The following NBPF9 variants were observed in gnomAD, a reference collection of about 807,000 sequenced individuals.
The protein encoded by NBPF9 is NBPF member 9.
NBPF9 carries 91 observed loss-of-function variants against 97.8 expected under a neutral mutation model. The ratio of observed to expected loss-of-function variants is 0.93; its 90% CI spans 0.79 to 1.11. The LOEUF (loss-of-function observed/expected upper bound fraction) is 1.11. Ranked by LOEUF, NBPF9 falls within the 50% of genes least tolerant of loss-of-function variation. The pLI is 0.00. For synonymous variants in NBPF9, 334 were observed against 359.5 expected (o/e 0.93, Z 0.80); for missense variants, 992 against 939.5 (o/e 1.06, Z -0.73).
downstream of NBPF9, among the ~76,000 whole-genome samples, chr1:149,052,214 AAC>A (rs2077952023): frequency 6.6e-6 from 1 of 151,780 alleles, no homozygotes; most frequent in Non-Finnish European, 1.5e-5. Context: ...ATTATCAATA[AAC>A]ACAAACCATT....
At chr1:149,090,547 T>G (rs1455344001) in intron 5 of NBPF9, 1 of 500,546 alleles carries the variant, frequency 2.0e-6, no homozygotes, top group African/African-American at 1.9e-5. Context: ...AATTTAAGCC[T>G]AATGCAATAA....
chr1:149,058,874 C>A, intron 26 of NBPF9, 51 bp downstream of exon 26: 3 of 673,852 alleles, frequency 4.5e-6, no homozygotes, highest in Admixed American at 2.1e-5. Context: ...AATATCACCC[C>A]TATCTGGAAG....
At chr1:149,097,957 C>T (rs1219487615) in intron 4 of NBPF9, among the ~76,000 whole-genome samples, 2 of 152,018 alleles carry the variant, frequency 1.3e-5, no homozygotes, top group African/African-American at 4.8e-5. Context: ...ATCCTGGACA[C>T]ATCTAGAGGG....
At chr1:149,069,752 A>G in intron 16 of NBPF9, 107 bp from the exon 17 acceptor site, 1 of 780,584 alleles carries the variant, frequency 1.3e-6, no homozygotes, top group Non-Finnish European at 2.3e-6. Context: ...TCAGTGCAAG[A>G]ATAAGGATTC....
At chr1:149,072,822 A>T in exon 14 of NBPF9, 1 of 1,597,494 alleles carries the variant, frequency 6.3e-7, no homozygotes, top group Non-Finnish European at 8.6e-7. Context: ...CGGAGTGAGG[A>T]GGGCCTGGAG....
chr1:149,088,550 A>C (rs2081194105), intron 5 of NBPF9, among the ~76,000 whole-genome samples: 1 of 152,158 alleles, frequency 6.6e-6, no homozygotes, highest in Non-Finnish European at 1.5e-5. Flanking sequence ...ATCTGCCATT[A>C]ATGGGGTTGG....
intron 5 of NBPF9, among the ~76,000 whole-genome samples, chr1:149,083,044 C>T (rs587593705): frequency 2.3e-4 from 33 of 144,850 alleles, no homozygotes; most frequent in Non-Finnish European, 4.0e-4. Flanking sequence ...CTCCTGACCT[C>T]GTGATCTGCC....
chr1:149,069,131 A>G (rs1467402710), intron 17 of NBPF9, among the ~76,000 whole-genome samples: 1 of 151,996 alleles, frequency 6.6e-6, no homozygotes, highest in East Asian at 1.9e-4. Context: ...CAATGTGTAG[A>G]GGGAAAATTA....
chr1:149,079,254 A>G (rs782791179), intron 8 of NBPF9, 33 bp from the exon 9 acceptor site: 53 of 992,002 alleles, frequency 5.3e-5, no homozygotes, highest in South Asian at 4.3e-4. Context: ...ATTTAAGAGT[A>G]GAAAGGGTTG....
exon 9 of NBPF9, chr1:149,079,060 T>G: frequency 6.7e-6 from 10 of 1,503,394 alleles, no homozygotes; most frequent in Non-Finnish European, 9.2e-6. Flanking sequence ...CTCAGCCAGC[T>G]GTTCTTGGAG....
At chr1:149,081,590 AG>A (rs1345650210) in intron 7 of NBPF9, among the ~76,000 whole-genome samples, 3 of 152,032 alleles carry the variant, frequency 2.0e-5, no homozygotes, top group Admixed American at 6.6e-5. Flanking sequence ...ACTGAATAAA[AG>A]TTCACTAGTC....
At position 149,061,523 on chromosome 1, in the gene NBPF9, C is replaced by T. The variant is rs1346711930; in HGVS notation, c.2252-140G>A. ...AATGTGACAGATATACTTCAGGAAGCCTGAAAGCTGGTCATGATATTCTTT... is the reference window on the plus strand; with the variant it reads ...AATGTGACAGATATACTTCAGGAAGTCTGAAAGCTGGTCATGATATTCTTT... On this transcript the variant is annotated intron_variant, in intron 22 of 29. Coordinates refer to ENST00000584027, the Ensembl canonical transcript of NBPF9. 6 of 463,312 alleles carry T rather than the reference C, an allele frequency of 1.3e-5. 2 individuals carry two copies. The highest frequency in any genetic ancestry group is 7.4e-4 in the Middle Eastern group (1 of 1,358). The allele number at this position is 463,312 out of a possible 1,614,324, so 28.7% of individuals were successfully genotyped here.
intron 5 of NBPF9, among the ~76,000 whole-genome samples, chr1:149,084,333 AAT>A (rs1339608472): frequency 4.3e-4 from 64 of 147,774 alleles, no homozygotes; most frequent in Admixed American, 3.7e-3. Context: ...CACACACATG[AAT>A]ATATATAATA....
intron 10 of NBPF9, among the ~76,000 whole-genome samples, 159 bp downstream of exon 10, chr1:149,077,724 G>A (rs1296532279): frequency 1.3e-5 from 2 of 151,970 alleles, no homozygotes; most frequent in Admixed American, 6.6e-5. Context: ...AGAGAAACAC[G>A]ACAGCTGCCG....
downstream of NBPF9, among the ~76,000 whole-genome samples, chr1:149,053,746 G>A: frequency 7.3e-6 from 1 of 137,394 alleles, no homozygotes; most frequent in African/African-American, 2.8e-5. Flanking sequence ...GGAAATATTT[G>A]ATGCTGAAAG....
chr1:149,055,820 T>C (rs1553648699), exon 30 of NBPF9: 3 of 1,606,718 alleles, frequency 1.9e-6, no homozygotes, highest in South Asian at 2.2e-5. Flanking sequence ...TCAAAGTACA[T>C]TGACGGAGTA....
exon 30 of NBPF9, chr1:149,055,253 G>C (rs1242781830): frequency 6.4e-6 from 2 of 311,050 alleles, no homozygotes; most frequent in Non-Finnish European, 1.2e-5. Flanking sequence ...CACGAAGAAT[G>C]AGGTTAGGTT....
At chr1:149,082,957 CTTTTT>C (rs1157992196) in intron 5 of NBPF9, among the ~76,000 whole-genome samples, 1,475 of 66,426 alleles carry the variant, frequency 0.022, 14 homozygotes, top group African/African-American at 0.072. Context: ...TTTTTCTTTT[CTTTTT>C]TTTTTTTTTT....
intron 11 of NBPF9, 90 bp from the exon 12 acceptor site, chr1:149,075,954 T>C (rs1348271793): frequency 5.9e-6 from 6 of 1,024,650 alleles, no homozygotes; most frequent in Non-Finnish European, 9.3e-6. Context: ...ACTGGCAGCC[T>C]TGTTTACTTA....
Sources: allele counts gnomAD v4.1 joint callset (sites outside exome capture counted in the v4.1 genomes callset), GRCh38; gene constraint gnomAD v4.1.1; transcripts MANE v1.5; gene names NCBI Gene and HGNC (gene_info 2026-07-23, HGNC 2026-07-21).